PARD3: variants seen among roughly 807,000 people sequenced by gnomAD.
The protein encoded by PARD3 is partitioning defective 3 homolog.
PARD3 carries 75 observed loss-of-function variants against 155.4 expected under a neutral mutation model. The ratio of observed to expected loss-of-function variants is 0.48; its 90% CI spans 0.40 to 0.58. The LOEUF is 0.58. PARD3 is among the 20% of genes least tolerant of loss of function. The pLI is 0.00. For missense variants in PARD3, 1,642 were observed against 1,721.7 expected, an observed-to-expected ratio of 0.95 and a Z score of 0.82; for synonymous variants, 576 against 610.5, an observed-to-expected ratio of 0.94 and a Z score of 0.83.
chr10:34,652,750 A>G (rs1353091544), intron 2 of PARD3, among the ~76,000 whole-genome samples: 1 of 152,206 alleles, frequency 6.6e-6, no homozygotes, highest in Non-Finnish European at 1.5e-5. Flanking sequence ...GCATGCATAT[A>G]CATTCTAGAA....
chr10:34,110,490 C>G lies in PARD3; in HGVS notation c.*679G>C, dbSNP rs187844606. The G allele has an allele frequency of 6.6e-6, 1 of 152,044 alleles. No homozygotes were observed. Among genetic ancestry groups the G allele is most frequent in the Non-Finnish European group, 1.5e-5 (1 of 68,036 alleles). The allele number at this position is 152,044 out of a possible 1,614,324, so 9.4% of individuals were successfully genotyped here. ...CGTGTCAGGAACAGGACCGAACAAG[C>G]GTATGTATAAACGCAGACCAGGATC... is the stretch of plus-strand genomic sequence containing the variant. On this transcript the variant is annotated 3_prime_UTR_variant, in exon 25 of 25. Transcript: ENST00000374788.
chr10:34,483,961 G>A (rs1289240014), intron 3 of PARD3, among the ~76,000 whole-genome samples: 1 of 152,072 alleles, frequency 6.6e-6, no homozygotes, highest in African/African-American at 2.4e-5. Flanking sequence ...ACTCATACCT[G>A]AACAAAGCTT....
intron 22 of PARD3, among the ~76,000 whole-genome samples, chr10:34,240,822 C>G (rs1469663668): frequency 6.6e-6 from 1 of 152,044 alleles, no homozygotes; most frequent in Non-Finnish European, 1.5e-5. Flanking sequence ...GAGCTCAAAA[C>G]TATAGAGAGA....
intron 8 of PARD3, 29 bp from the exon 9 acceptor site, chr10:34,382,951 C>T (rs771531858): frequency 2.5e-6 from 4 of 1,609,558 alleles, no homozygotes; most frequent in Non-Finnish European, 3.4e-6. Context: ...AGAAAATTAG[C>T]AAATTAAGAC....
At chr10:34,485,019 A>T (rs780103875) in intron 3 of PARD3, among the ~76,000 whole-genome samples, 2 of 152,166 alleles carry the variant, frequency 1.3e-5, no homozygotes, top group Non-Finnish European at 2.9e-5. Flanking sequence ...GGCCCTTAAA[A>T]GTATCCGAGA....
chr10:34,417,991 A>G (rs1186339544), intron 5 of PARD3, among the ~76,000 whole-genome samples: 2 of 152,182 alleles, frequency 1.3e-5, no homozygotes, highest in African/African-American at 4.8e-5. Context: ...GTTCATAAAA[A>G]TAAATCTATT....
intron 22 of PARD3, among the ~76,000 whole-genome samples, chr10:34,181,071 T>C (rs1306293919): frequency 1.3e-5 from 2 of 152,186 alleles, no homozygotes; most frequent in Non-Finnish European, 2.9e-5. Flanking sequence ...GGCTAATTAC[T>C]ACCATCTTGA....
At chr10:34,388,085 G>T (rs1221157437) in intron 7 of PARD3, among the ~76,000 whole-genome samples, 1 of 152,104 alleles carries the variant, frequency 6.6e-6, no homozygotes, top group South Asian at 2.1e-4. Context: ...ACCTGATGGG[G>T]GGCTGGGAGA....
At chr10:34,553,159 C>T (rs754854873) in intron 2 of PARD3, among the ~76,000 whole-genome samples, 1 of 152,180 alleles carries the variant, frequency 6.6e-6, no homozygotes, top group Non-Finnish European at 1.5e-5. Context: ...AAATAGTCTC[C>T]TCCATGGTCA....
intron 4 of PARD3, among the ~76,000 whole-genome samples, chr10:34,457,576 C>G (rs186686901): frequency 1.5e-4 from 23 of 152,236 alleles, no homozygotes; most frequent in Admixed American, 1.2e-3. Flanking sequence ...CTACCCACCT[C>G]AATGCCCAAA....
At chr10:34,358,325 G>A (rs1316920162) in intron 14 of PARD3, among the ~76,000 whole-genome samples, 1 of 152,118 alleles carries the variant, frequency 6.6e-6, no homozygotes, top group Non-Finnish European at 1.5e-5. Context: ...CCTTTCAAGA[G>A]AGGATGCCCT....
At chr10:34,173,309 C>A (rs1253825188) in intron 22 of PARD3, among the ~76,000 whole-genome samples, 1 of 152,168 alleles carries the variant, frequency 6.6e-6, no homozygotes, top group African/African-American at 2.4e-5. Flanking sequence ...ATGCAATAAG[C>A]AAACCCATGT....
At chr10:34,160,767 T>G (rs1489873128) in intron 22 of PARD3, among the ~76,000 whole-genome samples, 1 of 152,216 alleles carries the variant, frequency 6.6e-6, no homozygotes, top group Non-Finnish European at 1.5e-5. Flanking sequence ...GTTCACAGTA[T>G]GCAGTTATTG....
intron 1 of PARD3, among the ~76,000 whole-genome samples, chr10:34,730,521 C>T (rs748047342): frequency 1.2e-4 from 18 of 152,206 alleles, no homozygotes; most frequent in Non-Finnish European, 1.8e-4. Context: ...TAGGAGCTCA[C>T]GCCTGTAATC....
intron 2 of PARD3, among the ~76,000 whole-genome samples, chr10:34,659,134 T>C (rs2133128542): frequency 6.6e-6 from 1 of 152,264 alleles, no homozygotes; most frequent in South Asian, 2.1e-4. Context: ...CAGCACAAAG[T>C]GAGGAACCAG....
At chr10:34,652,235 C>T (rs1191823609) in intron 2 of PARD3, among the ~76,000 whole-genome samples, 1 of 152,198 alleles carries the variant, frequency 6.6e-6, no homozygotes, top group Non-Finnish European at 1.5e-5. Flanking sequence ...ACACTAGCCT[C>T]TCTTCGTGTG....
intron 2 of PARD3, among the ~76,000 whole-genome samples, chr10:34,629,167 T>C (rs1171978254): frequency 6.6e-6 from 1 of 152,218 alleles, no homozygotes; most frequent in African/African-American, 2.4e-5. Flanking sequence ...GCCCATACAC[T>C]GTGGACATCT....
intron 2 of PARD3, among the ~76,000 whole-genome samples, chr10:34,647,658 T>C (rs1202361808): frequency 6.6e-6 from 1 of 152,226 alleles, no homozygotes; most frequent in Non-Finnish European, 1.5e-5. Context: ...GTAGCTCTTT[T>C]TTTCCATTAT....
At chr10:34,606,399 GT>G (rs1233171149) in intron 2 of PARD3, among the ~76,000 whole-genome samples, 2 of 151,894 alleles carry the variant, frequency 1.3e-5, no homozygotes, top group Non-Finnish European at 1.5e-5. Context: ...GCCGGATCCA[GT>G]TCCCCTCCTC....
Sources: allele counts gnomAD v4.1 joint callset (sites outside exome capture counted in the v4.1 genomes callset), GRCh38; gene constraint gnomAD v4.1.1; transcripts MANE v1.5; gene names NCBI Gene and HGNC (gene_info 2026-07-23, HGNC 2026-07-21).